ATP9B: variants seen among roughly 807,000 people sequenced by gnomAD.
ATP9B encodes the protein probable phospholipid-transporting ATPase IIB.
Under a neutral mutation model 146.1 loss-of-function variants are expected in ATP9B, and 110 were observed. The ratio of observed to expected loss-of-function variants is 0.75; its 90% confidence interval spans 0.65 to 0.88. The LOEUF is 0.88. Ranked by LOEUF, ATP9B falls within the 40% of genes least tolerant of loss-of-function variation. The pLI is 0.00. For missense variants in ATP9B, 1,499 were observed against 1,496.4 expected, an observed-to-expected ratio of 1.00 and a Z score of -0.03; for synonymous variants, 604 against 569.7, an observed-to-expected ratio of 1.06 and a Z score of -0.86.
At chr18:79,120,300 A>C (rs770438992) in intron 4 of ATP9B, among the ~76,000 whole-genome samples, 2 of 152,236 alleles carry the variant, frequency 1.3e-5, no homozygotes, top group Non-Finnish European at 2.9e-5. Context: ...TCTGAGGCAT[A>C]AAACCATTTT....
intron 19 of ATP9B, 50 bp downstream of exon 19, chr18:79,337,499 C>T (rs2096834301): frequency 1.3e-6 from 2 of 1,574,812 alleles, no homozygotes; most frequent in Non-Finnish European, 1.7e-6. Flanking sequence ...CTGAAGCAAA[C>T]AGTGCTTTTC....
chr18:79,351,022 C>T (rs1339006958), intron 25 of ATP9B, among the ~76,000 whole-genome samples: 3 of 152,234 alleles, frequency 2.0e-5, no homozygotes, highest in Admixed American at 1.3e-4. Flanking sequence ...CCACCTGCCT[C>T]AGCCTCCCAA....
intron 20 of ATP9B, 131 bp from the exon 21 acceptor site, chr18:79,344,131 ATAC>A (rs1170179980): frequency 1.2e-6 from 1 of 820,024 alleles, no homozygotes; most frequent in Non-Finnish European, 2.0e-6. Context: ...CCGGGTCCAA[ATAC>A]TAAAGCTCCT....
chr18:79,118,975 G>A (rs777330538), intron 4 of ATP9B, among the ~76,000 whole-genome samples: 2 of 151,872 alleles, frequency 1.3e-5, no homozygotes, highest in Non-Finnish European at 2.9e-5. Flanking sequence ...GGAAGCTGAG[G>A]TTGGAGGATT....
intron 26 of ATP9B, among the ~76,000 whole-genome samples, chr18:79,364,511 C>T (rs1265871628): frequency 5.3e-5 from 8 of 152,046 alleles, no homozygotes; most frequent in African/African-American, 1.4e-4. Flanking sequence ...TGGGACAATT[C>T]GCCGCCCATG....
chr18:79,346,879 A>G (rs894194563), intron 23 of ATP9B, among the ~76,000 whole-genome samples: 7 of 152,252 alleles, frequency 4.6e-5, no homozygotes, highest in Non-Finnish European at 2.9e-5. Context: ...TGAACTGTAC[A>G]TTTGAATAAA....
At chr18:79,255,648 TGCTC>T (rs1222210454) in intron 12 of ATP9B, among the ~76,000 whole-genome samples, 1 of 152,228 alleles carries the variant, frequency 6.6e-6, no homozygotes, top group African/African-American at 2.4e-5. Context: ...GAGCTGCTTC[TGCTC>T]CTAGAGCTGC....
At chr18:79,283,134 CAT>C (rs1006655928) in intron 13 of ATP9B, among the ~76,000 whole-genome samples, 1 of 152,180 alleles carries the variant, frequency 6.6e-6, no homozygotes, top group African/African-American at 2.4e-5. Flanking sequence ...ATATTTTAGT[CAT>C]ATAAATAATT....
At chr18:79,169,680 A>G (rs1368297405) in intron 7 of ATP9B, among the ~76,000 whole-genome samples, 3 of 152,170 alleles carry the variant, frequency 2.0e-5, no homozygotes, top group African/African-American at 7.2e-5. Context: ...ACCATTTTGA[A>G]TTATTTTGAC....
At chr18:79,098,093 C>A (rs999334397) in intron 2 of ATP9B, among the ~76,000 whole-genome samples, 1 of 95,364 alleles carries the variant, frequency 1.0e-5, no homozygotes, top group Non-Finnish European at 2.3e-5. Context: ...CACATACCTA[C>A]AACTATCTGA....
chr18:79,122,246 G>A (rs1170625678), intron 4 of ATP9B, among the ~76,000 whole-genome samples: 1 of 152,030 alleles, frequency 6.6e-6, no homozygotes, highest in Non-Finnish European at 1.5e-5. Flanking sequence ...TTATCTCAGT[G>A]AGTCACAAAC....
intron 10 of ATP9B, chr18:79,209,782 T>C: frequency 1.7e-6 from 1 of 591,190 alleles, no homozygotes; most frequent in Non-Finnish European, 2.1e-6. Flanking sequence ...ATTTCAGCTC[T>C]TTTAGTACAT....
rs111368767 is a variant in ATP9B at position 79,345,073 on chromosome 18, G to A, written c.2473-355G>A. On this transcript the variant is annotated intron_variant, in intron 21 of 29. Transcript: ENST00000426216. Reference sequence around the variant, plus strand: ...GCAGAAGCTGCCCCAGAACGTCACCGGGTCACATGATGTTTTTCAAGAAAG... The same window carrying A: ...GCAGAAGCTGCCCCAGAACGTCACCAGGTCACATGATGTTTTTCAAGAAAG... Among the ~76,000 whole-genome samples the A allele has an allele frequency of 6.6e-3, 998 of 152,232 alleles. 5 individuals are homozygous for A. The highest frequency in any genetic ancestry group is 0.022 in the African/African-American group (929 of 41,536).
chr18:79,256,257 C>CTCTATA lies in ATP9B; in HGVS notation c.1268+2717_1268+2718insCTATAT, dbSNP rs1555791767. On this transcript the variant is annotated intron_variant, in intron 12 of 29. Transcript: ENST00000426216. ...ATGCCATTTTGTGAATTCTAGCTAG[C>CTCTATA]TATATATATATATATATATATATAT... Among the ~76,000 whole-genome samples the CTCTATA allele has an allele frequency of 6.0e-5, 6 of 100,374 alleles. No homozygotes were observed. The East Asian group carries it at 8.5e-4, about 14-fold the overall frequency. The allele number at this position is 100,374 out of a possible 152,430, so 65.8% of individuals were successfully genotyped here. A position where few individuals can be genotyped will look rare whatever the true frequency, so the allele number is the denominator to read the frequency against.
intron 5 of ATP9B, among the ~76,000 whole-genome samples, chr18:79,132,153 C>T (rs977989831): frequency 7.1e-6 from 1 of 141,068 alleles, no homozygotes; most frequent in African/African-American, 2.5e-5. Flanking sequence ...GGAAGACCTT[C>T]TGCTGTTACG....
chr18:79,263,273 C>T (rs1354878008), intron 12 of ATP9B, among the ~76,000 whole-genome samples: 3 of 152,174 alleles, frequency 2.0e-5, no homozygotes, highest in African/African-American at 7.2e-5. Flanking sequence ...TCCATGGATA[C>T]CAGAACGCAT....
At chr18:79,160,758 T>G (rs2094866934) in intron 7 of ATP9B, among the ~76,000 whole-genome samples, 1 of 147,450 alleles carries the variant, frequency 6.8e-6, no homozygotes, top group Non-Finnish European at 1.5e-5. Flanking sequence ...TTGTTTGTGT[T>G]TGTTTGTTTG....
rs576601973 is a variant in ATP9B, at chr18:79,305,377, T to C, written c.1525-1609T>C. On this transcript the variant is annotated intron_variant, in intron 14 of 29. Transcript: ENST00000426216. Reference sequence around the variant, plus strand: ...TGTCAAATGGAAGAAGTCTCATATGTGTATATATTTAGCATATGGAATGTT... The same window carrying C: ...TGTCAAATGGAAGAAGTCTCATATGCGTATATATTTAGCATATGGAATGTT... 4.6e-5 allele frequency among the ~76,000 whole-genome samples: 7 copies of C among 152,344 alleles called. No homozygotes were observed. The East Asian group carries it at 5.8e-4, about 13-fold the overall frequency.
At chr18:79,114,080 C>T (rs1223461949) in intron 4 of ATP9B, among the ~76,000 whole-genome samples, 2 of 152,154 alleles carry the variant, frequency 1.3e-5, no homozygotes, top group African/African-American at 2.4e-5. Flanking sequence ...AAGCAGTTCT[C>T]CTACCTCAGC....
Sources: gnomAD v4.1 joint callset for allele counts (sites outside exome capture counted in the v4.1 genomes callset) on GRCh38, gnomAD v4.1.1 for gene constraint, MANE v1.5 for transcripts, NCBI Gene and HGNC (gene_info 2026-07-23, HGNC 2026-07-21) for gene names.